Variants in DENND5B observed in about 807,000 individuals in gnomAD.
DENND5B encodes the protein DENN domain-containing protein 5B.
Under a neutral mutation model 140.6 loss-of-function variants are expected in DENND5B, and 34 were observed. That is an observed-to-expected ratio of 0.24 (90% CI 0.18 to 0.32). The LOEUF (loss-of-function observed/expected upper bound fraction) is 0.32, where lower values mean the gene tolerates loss of function less well. DENND5B is among the 10% of genes least tolerant of loss of function. The pLI is 1.00. For missense variants in DENND5B, 1,142 were observed against 1,560.2 expected (o/e 0.73, Z 4.52); for synonymous variants, 551 against 562.1 (o/e 0.98, Z 0.28).
At chr12:31,461,618 A>G (rs1945024165) in intron 3 of DENND5B, among the ~76,000 whole-genome samples, 1 of 152,232 alleles carries the variant, frequency 6.6e-6, no homozygotes, top group South Asian at 2.1e-4. Context: ...AAATACATTA[A>G]TATTTCTGCA....
At position 31,426,435 on chromosome 12, in the gene DENND5B, A is replaced by C. The variant is rs1360794194; in HGVS notation, c.2107-11T>G. 1 of 1,606,020 alleles carries C rather than the reference A, an allele frequency of 6.2e-7. No individual in the cohort carries two copies. Among genetic ancestry groups the C allele is most frequent in the Non-Finnish European group, 8.5e-7 (1 of 1,176,314 alleles). On this transcript the variant is annotated splice_polypyrimidine_tract_variant and intron_variant, in intron 8 of 20. Coordinates refer to ENST00000389082, the MANE Select transcript of DENND5B (RefSeq NM_144973.4). ...CTCTTGCATATATTTCTAAAAAATC[A>C]AGGAGTATTTTTAATGCGTAAACAT...
At chr12:31,577,625 G>A (rs1467275389) in intron 1 of DENND5B, among the ~76,000 whole-genome samples, 1 of 146,486 alleles carries the variant, frequency 6.8e-6, no homozygotes, top group Non-Finnish European at 1.5e-5. Flanking sequence ...ACAGGAGAAC[G>A]GCGTGAACCT....
chr12:31,508,832 G>A (rs998667006), intron 1 of DENND5B, among the ~76,000 whole-genome samples: 1 of 152,106 alleles, frequency 6.6e-6, no homozygotes, highest in African/African-American at 2.4e-5. Flanking sequence ...ATATCAGGAG[G>A]AGAACAATGA....
chr12:31,507,581 T>A lies in DENND5B; in HGVS notation c.128-11662A>T, dbSNP rs570227782. On this transcript the variant is annotated intron_variant, in intron 1 of 20. Coordinates refer to ENST00000389082, the MANE Select transcript of DENND5B (RefSeq NM_144973.4). ...AATAAGGAATAAACAAAGTTTTTGA[T>A]CCTAGCCCATGTTTGTCATACTAAT... Among the ~76,000 whole-genome samples the A allele has an allele frequency of 4.4e-4, 67 of 152,294 alleles. 1 individual carries two copies. The highest frequency in any genetic ancestry group is 1.6e-3 in the African/African-American group (66 of 41,540).
At chr12:31,582,868 T>C (rs1458241107) in intron 1 of DENND5B, among the ~76,000 whole-genome samples, 1 of 152,202 alleles carries the variant, frequency 6.6e-6, no homozygotes, top group African/African-American at 2.4e-5. Flanking sequence ...ACAGCAAATA[T>C]AGTGGTTATG....
chr12:31,432,253 A>G (rs2137827704), intron 8 of DENND5B: 1 of 324,748 alleles, frequency 3.1e-6, no homozygotes, highest in Admixed American at 6.5e-5. Context: ...AAATCACAGC[A>G]AAAGAGAGGG....
chr12:31,428,305 G>A (rs1249604710), intron 8 of DENND5B, among the ~76,000 whole-genome samples: 2 of 150,372 alleles, frequency 1.3e-5, no homozygotes, highest in African/African-American at 4.9e-5. Context: ...TCGTGCCATC[G>A]CACTCCAGCC....
chr12:31,549,133 C>A (rs1010029518), intron 1 of DENND5B, among the ~76,000 whole-genome samples: 32 of 152,160 alleles, frequency 2.1e-4, no homozygotes, highest in African/African-American at 7.5e-4. Flanking sequence ...TTCCTGGCTT[C>A]AGGTGATCCT....
At chr12:31,412,509 G>A (rs964620890) in intron 13 of DENND5B, among the ~76,000 whole-genome samples, 4 of 152,236 alleles carry the variant, frequency 2.6e-5, no homozygotes, top group South Asian at 4.1e-4. Flanking sequence ...CCTCACATGC[G>A]CAGTTCACAA....
chr12:31,563,820 T>C lies in DENND5B; in HGVS notation c.127+26886A>G, dbSNP rs1949548696. Among the ~76,000 whole-genome samples the C allele has an allele frequency of 2.0e-5, 3 of 152,138 alleles. No homozygotes were observed. In the South Asian group the frequency reaches 6.2e-4, roughly 32 times the overall value. On this transcript the variant is annotated intron_variant, in intron 1 of 20. Transcript: ENST00000389082. Reference sequence around the variant, plus strand: ...ATGCTCTCTAAATTTAAAAAAAACTTCTTTAATGAAAGTGGGCCGGTTGTG... The same window carrying C: ...ATGCTCTCTAAATTTAAAAAAAACTCCTTTAATGAAAGTGGGCCGGTTGTG...
intron 1 of DENND5B, among the ~76,000 whole-genome samples, chr12:31,497,152 A>T (rs1946792085): frequency 6.6e-6 from 1 of 152,134 alleles, no homozygotes. Flanking sequence ...CAGAAGGACG[A>T]AAAAGTCACA....
At chr12:31,523,474 T>A (rs531399007) in intron 1 of DENND5B, among the ~76,000 whole-genome samples, 3 of 152,284 alleles carry the variant, frequency 2.0e-5, no homozygotes, top group African/African-American at 7.2e-5. Context: ...TGCAGTGGCC[T>A]AAGTGTAAGG....
In DENND5B at chr12:31,451,618, C is replaced by T. The variant is rs985304622; in HGVS notation, c.1629+322G>A. 4 of 277,682 alleles carry T rather than the reference C, an allele frequency of 1.4e-5. 1 individual carries two copies. The highest frequency in any genetic ancestry group is 1.0e-4 in the East Asian group (1 of 9,584). The allele number at this position is 277,682 out of a possible 1,614,324, so 17.2% of individuals were successfully genotyped here. ...GATTACAGGCATGAGCCACCGTGCC[C>T]GGCCTGAGTTTCTATAATTTAAGCA... On this transcript the variant is annotated intron_variant, in intron 5 of 20. Coordinates refer to ENST00000389082, the MANE Select transcript of DENND5B (RefSeq NM_144973.4).
chr12:31,441,490 A>T (rs942242186), intron 7 of DENND5B, among the ~76,000 whole-genome samples: 1 of 150,900 alleles, frequency 6.6e-6, no homozygotes, highest in Non-Finnish European at 1.5e-5. Context: ...GCCTGGCCCA[A>T]GTTTTTTTTT....
At chr12:31,455,884 T>A (rs944321113) in intron 4 of DENND5B, among the ~76,000 whole-genome samples, 3 of 152,066 alleles carry the variant, frequency 2.0e-5, no homozygotes, top group Non-Finnish European at 4.4e-5. Context: ...CTGGGCGTAG[T>A]GGCAGGCGCC....
chr12:31,494,493 C>T (rs1946684682), intron 2 of DENND5B, among the ~76,000 whole-genome samples: 1 of 152,104 alleles, frequency 6.6e-6, no homozygotes, highest in Non-Finnish European at 1.5e-5. Flanking sequence ...AAAAGGAAAA[C>T]CCCAACTTTC....
chr12:31,418,478 T>C (rs1323933436), intron 11 of DENND5B, among the ~76,000 whole-genome samples: 1 of 149,726 alleles, frequency 6.7e-6, no homozygotes, highest in Non-Finnish European at 1.5e-5. Flanking sequence ...AGAGACGGGG[T>C]TTTGTCTCTA....
intron 14 of DENND5B, among the ~76,000 whole-genome samples, chr12:31,407,123 AATTAATTT>A (rs1565548959): frequency 6.7e-6 from 1 of 149,406 alleles, no homozygotes; most frequent in East Asian, 2.0e-4. Context: ...TAAATTAATT[AATTAATTT>A]ATTTATTTAT....
intron 13 of DENND5B, 64 bp from the exon 14 acceptor site, chr12:31,409,448 G>C: frequency 3.2e-5 from 32 of 1,001,030 alleles, no homozygotes; most frequent in East Asian, 4.4e-5. Flanking sequence ...AACCAAGACA[G>C]TAGTATCATG....
Sources: allele counts gnomAD v4.1 joint callset (sites outside exome capture counted in the v4.1 genomes callset), GRCh38; gene constraint gnomAD v4.1.1; transcripts MANE v1.5; gene names NCBI Gene and HGNC (gene_info 2026-07-23, HGNC 2026-07-21).